Variants in QTMAN observed in about 807,000 individuals in gnomAD.
QTMAN encodes queuosine-tRNA mannosyltransferase, also known as tRNA-queuosine alpha-mannosyltransferase.
the QTMAN span, among the ~76,000 whole-genome samples, chr2:144,329,235 C>G: frequency 1.3e-5 from 2 of 150,604 alleles, no homozygotes; most frequent in African/African-American, 4.9e-5. Flanking sequence ...GAGTGTGACT[C>G]TGCCTCAAAA....
At chr2:144,022,125 C>G in the QTMAN span, among the ~76,000 whole-genome samples, 1 of 152,028 alleles carries the variant, frequency 6.6e-6, no homozygotes, top group Non-Finnish European at 1.5e-5. Flanking sequence ...CATGAATTAT[C>G]TTGGGGATTC....
chr2:144,282,091 A>C, the QTMAN span, among the ~76,000 whole-genome samples: 1 of 152,180 alleles, frequency 6.6e-6, no homozygotes, highest in African/African-American at 2.4e-5. Flanking sequence ...CACAGCTACC[A>C]AGCACGGAAG....
chr2:143,968,905 C>A, the QTMAN span, among the ~76,000 whole-genome samples: 2 of 152,196 alleles, frequency 1.3e-5, no homozygotes, highest in Admixed American at 1.3e-4. Flanking sequence ...ATTCTGTCTA[C>A]ATATCGTTGC....
At chr2:144,279,871 C>T in the QTMAN span, among the ~76,000 whole-genome samples, 1 of 152,000 alleles carries the variant, frequency 6.6e-6, no homozygotes, top group African/African-American at 2.4e-5. Flanking sequence ...ATCAATGGGC[C>T]CTCAATGAGT....
At chr2:144,011,547 C>T in the QTMAN span, 8 of 858,454 alleles carry the variant, frequency 9.3e-6, no homozygotes, top group Non-Finnish European at 1.4e-6. Flanking sequence ...ATAATAGTCA[C>T]CACACTAATT....
chr2:144,109,629 A>G, the QTMAN span, among the ~76,000 whole-genome samples: 17 of 151,840 alleles, frequency 1.1e-4, no homozygotes, highest in East Asian at 3.3e-3. Context: ...ATGGGAGAAA[A>G]TTTTTGCAAT....
At chr2:144,235,651 T>C in the QTMAN span, 2 of 152,542 alleles carry the variant, frequency 1.3e-5, no homozygotes, top group Admixed American at 1.3e-4. Context: ...GATGGAGATA[T>C]AAAAATGAAG....
At chr2:144,136,792 A>G in the QTMAN span, among the ~76,000 whole-genome samples, 1 of 152,128 alleles carries the variant, frequency 6.6e-6, no homozygotes, top group African/African-American at 2.4e-5. Context: ...TCTAATCTAT[A>G]TCCTTTAACA....
chr2:144,131,541 A>C, the QTMAN span, among the ~76,000 whole-genome samples: 2 of 151,918 alleles, frequency 1.3e-5, no homozygotes, highest in Non-Finnish European at 1.5e-5. Context: ...GTGGCTACCA[A>C]ATGACTATAG....
the QTMAN span, among the ~76,000 whole-genome samples, chr2:144,125,189 C>T: frequency 6.6e-6 from 1 of 151,976 alleles, no homozygotes; most frequent in African/African-American, 2.4e-5. Context: ...AAATAGAAGC[C>T]TATCATCCCC....
chr2:144,151,755 A>G, the QTMAN span, among the ~76,000 whole-genome samples: 8 of 152,228 alleles, frequency 5.3e-5, no homozygotes, highest in East Asian at 1.9e-4. Context: ...TGGTTTCAAC[A>G]TATTTTTTAA....
the QTMAN span, among the ~76,000 whole-genome samples, chr2:144,026,428 C>T: frequency 4.3e-4 from 66 of 152,124 alleles, no homozygotes; most frequent in African/African-American, 1.4e-3. Flanking sequence ...GAAATTCCAT[C>T]TCAAAAATAA....
chr2:144,023,037 C>T, the QTMAN span, among the ~76,000 whole-genome samples: 1 of 151,942 alleles, frequency 6.6e-6, no homozygotes, highest in Admixed American at 6.6e-5. Flanking sequence ...CCTACTTTAT[C>T]TTCTCTATCC....
the QTMAN span, among the ~76,000 whole-genome samples, chr2:144,134,270 A>T: frequency 6.6e-6 from 1 of 152,140 alleles, no homozygotes; most frequent in Non-Finnish European, 1.5e-5. Context: ...GTTTTCATTT[A>T]AAGTTTTCAC....
the QTMAN span, among the ~76,000 whole-genome samples, chr2:144,308,308 A>C: frequency 6.6e-6 from 1 of 151,852 alleles, no homozygotes; most frequent in African/African-American, 2.4e-5. Flanking sequence ...CTGGGATTAC[A>C]GGTGCCCGCC....
the QTMAN span, among the ~76,000 whole-genome samples, chr2:144,136,897 G>A: frequency 6.6e-6 from 1 of 152,090 alleles, no homozygotes; most frequent in Non-Finnish European, 1.5e-5. Context: ...TACAAAATCT[G>A]TTTTGTTGAC....
the QTMAN span, chr2:144,006,975 A>T: frequency 2.4e-6 from 1 of 424,382 alleles, no homozygotes; most frequent in Non-Finnish European, 4.1e-6. Context: ...GCAAATAATT[A>T]CCTGTAATTC....
the QTMAN span, among the ~76,000 whole-genome samples, chr2:144,157,480 A>G: frequency 2.6e-5 from 4 of 152,008 alleles, no homozygotes; most frequent in South Asian, 2.1e-4. Flanking sequence ...GTACATAACA[A>G]TGGTCTAGAA....
At chr2:144,009,955 C>T in the QTMAN span, among the ~76,000 whole-genome samples, 2 of 147,268 alleles carry the variant, frequency 1.4e-5, no homozygotes, top group East Asian at 4.1e-4. Flanking sequence ...ATCTGGAGAA[C>T]AATAAAGCAA....
Sources: gnomAD v4.1 joint callset for allele counts (sites outside exome capture counted in the v4.1 genomes callset) on GRCh38, gnomAD v4.1.1 for gene constraint, MANE v1.5 for transcripts, NCBI Gene and HGNC (gene_info 2026-07-23, HGNC 2026-07-21) for gene names.